Variants in COL24A1 observed in about 807,000 individuals in gnomAD.
COL24A1 encodes the protein collagen type XXIV alpha 1 chain.
Under a neutral mutation model 253.9 loss-of-function variants are expected in COL24A1, and 224 were observed. The observed-to-expected ratio is 0.88, with a 90% CI of 0.79 to 0.99. The LOEUF is 0.99. Among genes scored for constraint, COL24A1 ranks in the 50% least tolerant of loss-of-function variants. The pLI is 0.00. For synonymous variants in COL24A1, 685 were observed against 673.7 expected (o/e 1.02, Z -0.26); for missense variants, 2,131 against 2,068.5 (o/e 1.03, Z -0.59).
chr1:85,892,760 C>A (rs530388707), intron 31 of COL24A1, among the ~76,000 whole-genome samples: 1 of 152,114 alleles, frequency 6.6e-6, no homozygotes, highest in East Asian at 1.9e-4. Flanking sequence ...AAGTTTCTTA[C>A]ACTTGTGTTA....
At chr1:85,785,071 C>G (rs1332072731) in intron 48 of COL24A1, among the ~76,000 whole-genome samples, 1 of 152,068 alleles carries the variant, frequency 6.6e-6, no homozygotes, top group Non-Finnish European at 1.5e-5. Flanking sequence ...TCTGTGTTTT[C>G]CCTACCATCC....
intron 47 of COL24A1, among the ~76,000 whole-genome samples, chr1:85,796,533 C>T (rs1436791110): frequency 1.3e-5 from 2 of 152,092 alleles, no homozygotes; most frequent in Non-Finnish European, 2.9e-5. Flanking sequence ...AAATAATCTA[C>T]TCATACTATC....
intron 8 of COL24A1, among the ~76,000 whole-genome samples, chr1:86,062,277 A>G (rs1315925134): frequency 6.6e-6 from 1 of 152,106 alleles, no homozygotes; most frequent in Non-Finnish European, 1.5e-5. Flanking sequence ...GATATTTACA[A>G]ATTTTCAAGA....
chr1:85,925,120 G>T (rs1687035407), intron 24 of COL24A1, among the ~76,000 whole-genome samples: 1 of 152,162 alleles, frequency 6.6e-6, no homozygotes, highest in Non-Finnish European at 1.5e-5. Context: ...TACAAGGGAT[G>T]TGAAGGACCT....
At chr1:85,972,611 C>A (rs1477218473) in intron 20 of COL24A1, among the ~76,000 whole-genome samples, 1 of 151,732 alleles carries the variant, frequency 6.6e-6, no homozygotes, top group African/African-American at 2.4e-5. Context: ...CCCTAATTTT[C>A]CTTAAGGAAA....
intron 14 of COL24A1, among the ~76,000 whole-genome samples, chr1:86,028,671 A>T (rs556683598): frequency 6.6e-5 from 10 of 152,372 alleles, no homozygotes; most frequent in African/African-American, 2.2e-4. Flanking sequence ...TAATACAGTT[A>T]TCATTAGCCA....
At chr1:85,923,604 G>A (rs1009752112) in intron 24 of COL24A1, among the ~76,000 whole-genome samples, 1 of 152,146 alleles carries the variant, frequency 6.6e-6, no homozygotes, top group Non-Finnish European at 1.5e-5. Flanking sequence ...CAGAAATAAA[G>A]ATGTTCTTTG....
rs148500616 is a variant in COL24A1, at chr1:86,006,839, C to T, written c.2310+10312G>A. Reference sequence around the variant, plus strand: ...GCCAAAGACCTTAACAAACACCTCACCAAGGAAGATATACAGATGGTAAAT... The same window carrying T: ...GCCAAAGACCTTAACAAACACCTCATCAAGGAAGATATACAGATGGTAAAT... On this transcript the variant is annotated intron_variant, in intron 19 of 59. Coordinates refer to ENST00000370571, the MANE Select transcript of COL24A1 (RefSeq NM_152890.7). Among the ~76,000 whole-genome samples, 75 of 152,074 alleles carry T rather than the reference C, an allele frequency of 4.9e-4. No homozygotes were observed. In the East Asian group the frequency reaches 6.4e-3, roughly 13 times the overall value.
At chr1:85,791,440 A>C (rs1275935555) in intron 47 of COL24A1, among the ~76,000 whole-genome samples, 1 of 152,160 alleles carries the variant, frequency 6.6e-6, no homozygotes, top group Non-Finnish European at 1.5e-5. Context: ...TTATTGGATA[A>C]ATTTGGAAAG....
intron 20 of COL24A1, among the ~76,000 whole-genome samples, chr1:85,984,015 G>T (rs668874): frequency 0.73 from 111,202 of 151,616 alleles, 41,332 homozygotes; most frequent in African/African-American, 0.83. Flanking sequence ...TGGGTAGTAA[G>T]TACTAACATT....
chr1:86,006,895 G>A (rs767383013), intron 19 of COL24A1, among the ~76,000 whole-genome samples: 8 of 152,198 alleles, frequency 5.3e-5, no homozygotes, highest in Non-Finnish European at 1.0e-4. Context: ...CACATTATAT[G>A]TCATTAGGGA....
At chr1:86,039,379 T>C (rs543956054) in intron 12 of COL24A1, among the ~76,000 whole-genome samples, 4 of 152,306 alleles carry the variant, frequency 2.6e-5, no homozygotes, top group East Asian at 1.9e-4. Context: ...GCTTAGCATG[T>C]CCAGTAAAAG....
intron 19 of COL24A1, among the ~76,000 whole-genome samples, chr1:85,999,882 T>C (rs1427211396): frequency 6.6e-6 from 1 of 152,126 alleles, no homozygotes; most frequent in East Asian, 1.9e-4. Flanking sequence ...ATTGCAACAT[T>C]AGCCCACATT....
intron 19 of COL24A1, among the ~76,000 whole-genome samples, chr1:86,011,920 C>T (rs977977953): frequency 1.3e-5 from 2 of 152,048 alleles, no homozygotes; most frequent in African/African-American, 4.8e-5. Flanking sequence ...TGTTAATCAC[C>T]TGTGGAGCAA....
intron 1 of COL24A1, 27 bp downstream of exon 1, chr1:86,156,314 A>G (rs2102490245): frequency 1.2e-6 from 2 of 1,607,940 alleles, no homozygotes; most frequent in African/African-American, 1.3e-5. Flanking sequence ...TCTAACCCCT[A>G]CCCTACCCGG....
At chr1:85,779,757 C>G (rs1668964815) in intron 52 of COL24A1, among the ~76,000 whole-genome samples, 1 of 152,112 alleles carries the variant, frequency 6.6e-6, no homozygotes, top group Non-Finnish European at 1.5e-5. Flanking sequence ...TTTGTATTAC[C>G]ATATAGTTTC....
rs144467896 is a variant in COL24A1, at chr1:86,046,815, A to G, written c.1950+10T>C. ...GTAAAATAAACCTCAAAAAACACAA[A>G]TTAAGATACCTGTCTCCCCTTAAAA... On this transcript the variant is annotated intron_variant, in intron 12 of 59. Coordinates refer to ENST00000370571, the MANE Select transcript of COL24A1 (RefSeq NM_152890.7). The G allele has an allele frequency of 4.6e-5, 74 of 1,611,746 alleles. No homozygotes were observed. In the African/African-American group the frequency reaches 8.1e-4, roughly 18 times the overall value.
chr1:86,054,340 TC>T (rs1170740795), intron 10 of COL24A1, among the ~76,000 whole-genome samples: 1 of 151,922 alleles, frequency 6.6e-6, no homozygotes, highest in Admixed American at 6.6e-5. Flanking sequence ...AAAGAAACCA[TC>T]AACAGAGTAA....
chr1:86,125,241 C>T lies in COL24A1; in HGVS notation c.1095G>A (p.Glu365=), dbSNP rs746738355. ...ACATGTTTAGGAGAGAGCTAAATTT[C>T]TCTTTGGTATTCATTTTTGCCTCAC... is the stretch of plus-strand genomic sequence containing the variant. ...RISEAKMNTK[E]KFSSLLNMSD... The change falls in exon 3 of 60, where the codon GAG becomes GAA. Residue 365 remains glutamate, a synonymous_variant. Coordinates refer to ENST00000370571, the MANE Select transcript of COL24A1 (RefSeq NM_152890.7). 2 of 1,613,530 alleles carry T rather than the reference C, an allele frequency of 1.2e-6. No individual in the cohort carries two copies. Among genetic ancestry groups the T allele is most frequent in the Non-Finnish European group, 1.7e-6 (2 of 1,179,768 alleles).
Sources: allele counts gnomAD v4.1 joint callset (sites outside exome capture counted in the v4.1 genomes callset), GRCh38; gene constraint gnomAD v4.1.1; transcripts MANE v1.5; gene names NCBI Gene and HGNC (gene_info 2026-07-23, HGNC 2026-07-21).